The following STK10 variants were observed in gnomAD, a reference collection of about 807,000 sequenced individuals.
STK10 encodes serine/threonine kinase 10, also known as serine/threonine-protein kinase 10.
Under a neutral mutation model 113.8 loss-of-function variants are expected in STK10, and 78 were observed. That is an observed-to-expected ratio of 0.69 (90% CI 0.57 to 0.83). STK10 has a LOEUF of 0.83. Among genes scored for constraint, STK10 ranks in the 40% least tolerant of loss-of-function variants. The pLI, the probability that STK10 is intolerant of heterozygous loss-of-function variation, is 0.00. For synonymous variants in STK10, 465 were observed against 494.7 expected, an observed-to-expected ratio of 0.94 and a Z score of 0.80; for missense variants, 1,109 against 1,280.1, an observed-to-expected ratio of 0.87 and a Z score of 2.04.
At position 172,082,487 on chromosome 5, in the gene STK10, C is replaced by T. The variant is rs1316978391; in HGVS notation, c.1828G>A (p.Asp610Asn). The change falls in exon 12 of 19, where the codon GAC becomes AAC. Residue 610 changes from aspartate to asparagine, a missense_variant. This residue lies in a region of STK10 where 885 missense variants were observed against 991.1 expected (regional missense o/e 0.89). Transcript: ENST00000176763. The surrounding 1 kb of genome is among the most constrained non-coding windows in gnomAD (Gnocchi z 4.3). ...QEINAKKKFF[D>N]TELENLERQQ... ...CGCTCCAGGTTCTCTAATTCCGTGT[C>T]AAAGAACTTCTTCTTGGCCTGAAAG... The T allele has an allele frequency of 6.3e-7, 1 of 1,590,954 alleles. No homozygotes were observed. Among genetic ancestry groups the T allele is most frequent in the Non-Finnish European group, 8.5e-7 (1 of 1,172,110 alleles).
chr5:172,072,306 G>A (rs896487655), intron 12 of STK10, among the ~76,000 whole-genome samples: 6 of 150,756 alleles, frequency 4.0e-5, no homozygotes, highest in African/African-American at 7.3e-5. Flanking sequence ...TTGCTCTGTC[G>A]CCCAGGCTGG....
At chr5:172,090,165 C>T in intron 10 of STK10, 67 bp downstream of exon 10, 1 of 1,587,610 alleles carries the variant, frequency 6.3e-7, no homozygotes, top group Non-Finnish European at 8.6e-7. Context: ...CACCAAAGGA[C>T]CAATGCCCAC....
At chr5:172,149,652 A>C (rs1290917955) in intron 2 of STK10, among the ~76,000 whole-genome samples, 3 of 152,086 alleles carry the variant, frequency 2.0e-5, no homozygotes, top group Non-Finnish European at 2.9e-5. Context: ...CTGGCACCCA[A>C]AACTGCCAAA....
chr5:172,054,537 G>GGGGGCA, intron 17 of STK10, 32 bp downstream of exon 17: 9 of 1,596,648 alleles, frequency 5.6e-6, no homozygotes, highest in South Asian at 1.1e-5. Flanking sequence ...GAGGCAGCCT[G>GGGGGCA]GGGGCAGGGG....
At chr5:172,141,526 A>T (rs1468020391) in intron 2 of STK10, among the ~76,000 whole-genome samples, 1 of 151,066 alleles carries the variant, frequency 6.6e-6, no homozygotes, top group Non-Finnish European at 1.5e-5. Context: ...GGTTGCAGTG[A>T]GCCGATTGTG....
At chr5:172,145,012 G>A (rs1445684580) in intron 2 of STK10, among the ~76,000 whole-genome samples, 1 of 152,114 alleles carries the variant, frequency 6.6e-6, no homozygotes, top group Non-Finnish European at 1.5e-5. Context: ...ACTGGCTCTG[G>A]GGTCAAAGTC....
intron 18 of STK10, among the ~76,000 whole-genome samples, chr5:172,045,995 T>G (rs1328044349): frequency 6.6e-6 from 1 of 151,184 alleles, no homozygotes; most frequent in Non-Finnish European, 1.5e-5. Context: ...TGGCCTAGGA[T>G]TTTCTAAAGA....
At chr5:172,162,175 T>C (rs1036924883) in intron 1 of STK10, among the ~76,000 whole-genome samples, 11 of 151,946 alleles carry the variant, frequency 7.2e-5, no homozygotes, top group Non-Finnish European at 1.0e-4. Flanking sequence ...ACCCCATCTC[T>C]ACTAAAAATA....
chr5:172,057,492 C>T lies in STK10; in HGVS notation c.2213-19G>A, dbSNP rs369170169. On this transcript the variant is annotated intron_variant, in intron 14 of 18. Transcript: ENST00000176763. ...TCCCGGTCTGCAGAGGACATGCCAC[C>T]GAGCTGGTGAGGTGCTGACAACCAG... 95 of 1,542,030 alleles carry T rather than the reference C, an allele frequency of 6.2e-5. No homozygotes were observed. The highest frequency in any genetic ancestry group is 1.6e-4 in the African/African-American group (12 of 72,864).
At chr5:172,092,475 C>T (rs1223763519) in intron 9 of STK10, 1 of 151,984 alleles carries the variant, frequency 6.6e-6, no homozygotes, top group East Asian at 1.9e-4. Flanking sequence ...GGATGCCGGT[C>T]CTAAGGAAGA....
chr5:172,088,586 T>C (rs779896615), intron 10 of STK10, among the ~76,000 whole-genome samples: 22 of 152,192 alleles, frequency 1.4e-4, no homozygotes, highest in Non-Finnish European at 5.9e-5. Context: ...AATATGTGAT[T>C]AATGTTCTAG....
intron 12 of STK10, among the ~76,000 whole-genome samples, chr5:172,074,001 T>C (rs900526317): frequency 6.6e-6 from 1 of 150,950 alleles, no homozygotes; most frequent in Admixed American, 6.6e-5. Context: ...CGAATATAAA[T>C]ATAAAATATA....
chr5:172,081,891 C>G (rs141493127), intron 12 of STK10, among the ~76,000 whole-genome samples: 96 of 152,304 alleles, frequency 6.3e-4, no homozygotes, highest in African/African-American at 2.2e-3. Flanking sequence ...TCCTCCCCTT[C>G]CCCTTCCAAC....
intron 10 of STK10, among the ~76,000 whole-genome samples, chr5:172,087,463 C>G (rs977283001): frequency 6.6e-6 from 1 of 151,338 alleles, no homozygotes; most frequent in Non-Finnish European, 1.5e-5. Context: ...TTAGTAGAGA[C>G]CAGGTTTTGC....
rs35446422 is a variant in STK10 at position 172,153,288 on chromosome 5, AAAAGAAAGAAAGAAAG to A, written c.321+3320_321+3335del. On this transcript the variant is annotated intron_variant, in intron 2 of 18. Coordinates refer to ENST00000176763, the MANE Select transcript of STK10 (RefSeq NM_005990.4). ...GCAACAGGAGCAAAACTCCATCTCA[AAAAGAAAGAAAGAAAG>A]AAAGAAAGAAAGAAAGAAAGAAATG... Among the ~76,000 whole-genome samples the A allele has an allele frequency of 8.4e-5, 12 of 142,032 alleles. 1 individual carries two copies. The highest frequency in any genetic ancestry group is 2.3e-4 in the South Asian group (1 of 4,394). 93.2% of individuals were successfully genotyped at this position (142,032 alleles called of 152,430 possible).
intron 12 of STK10, among the ~76,000 whole-genome samples, chr5:172,079,135 A>G (rs1191070833): frequency 1.3e-5 from 2 of 152,238 alleles, no homozygotes; most frequent in Non-Finnish European, 2.9e-5. Context: ...TTATTAAAAT[A>G]GCACACTCCT....
chr5:172,125,417 C>T (rs1769599748), intron 3 of STK10, among the ~76,000 whole-genome samples: 1 of 151,276 alleles, frequency 6.6e-6, no homozygotes, highest in African/African-American at 2.4e-5. Context: ...TGGAGTCTCA[C>T]TCTGTCGCCC....
chr5:172,101,470 C>CAAA (rs796588690), intron 7 of STK10, among the ~76,000 whole-genome samples: 8 of 72,618 alleles, frequency 1.1e-4, no homozygotes, highest in African/African-American at 2.6e-4. Context: ...ACTCCGTCTC[C>CAAA]AAAAAAAAAA....
At chr5:172,048,980 C>T (rs766774790) in intron 18 of STK10, among the ~76,000 whole-genome samples, 10 of 152,252 alleles carry the variant, frequency 6.6e-5, no homozygotes, top group Non-Finnish European at 8.8e-5. Context: ...AAAACCCCCA[C>T]GGCTGCACGC....
Sources: allele counts gnomAD v4.1 joint callset (sites outside exome capture counted in the v4.1 genomes callset), GRCh38; gene constraint gnomAD v4.1.1; regional missense constraint gnomAD v4.1.1; non-coding constraint Gnocchi (gnomAD v3.1); transcripts MANE v1.5; gene names NCBI Gene and HGNC (gene_info 2026-07-23, HGNC 2026-07-21).